The following DNAH1 variants were observed in gnomAD, a reference collection of about 807,000 sequenced individuals.
DNAH1 encodes the protein axonemal beta dynein heavy chain 1.
In DNAH1, 327 loss-of-function variants were observed where a neutral mutation model predicts 484.3. The observed-to-expected ratio is 0.68, with a 90% CI of 0.62 to 0.74. The LOEUF is 0.74. Among genes scored for constraint, DNAH1 ranks in the 30% least tolerant of loss-of-function variants. The pLI is 0.00. For synonymous variants in DNAH1, 2,192 were observed against 2,191.9 expected, an observed-to-expected ratio of 1.00 and a Z score of 0.00; for missense variants, 5,052 against 5,546.8, an observed-to-expected ratio of 0.91 and a Z score of 2.83.
chr3:52,362,633 C>A lies in DNAH1; in HGVS notation c.5094+132C>A. ...TGATTCCCTATGGTAGCCCCTTAGC[C>A]ATGGAGGGGAGGCCTCAGGGCCTCA... On this transcript the variant is annotated intron_variant, in intron 31 of 77. Coordinates refer to ENST00000420323, the MANE Select transcript of DNAH1 (RefSeq NM_015512.5). This position sits in a 1 kb window ranked among gnomAD's most constrained non-coding sequence, Gnocchi z 5.1. 1.1e-6 allele frequency: 1 copy of A among 872,530 alleles called. No individual in the cohort carries two copies. The highest frequency in any genetic ancestry group is 1.8e-6 in the Non-Finnish European group (1 of 565,376). The allele number at this position is 872,530 out of a possible 1,614,324, so 54.0% of individuals were successfully genotyped here.
rs749638579 is a variant in DNAH1 at position 52,372,339 on chromosome 3, C to T, written c.6779C>T (p.Thr2260Ile). The T allele has an allele frequency of 6.2e-7, 1 of 1,614,002 alleles. No homozygotes were observed. Among genetic ancestry groups the T allele is most frequent in the Admixed American group, 1.7e-5 (1 of 60,030 alleles). The change falls in exon 43 of 78, where the codon ACT (threonine) becomes ATT (isoleucine). Residue 2260 changes from threonine to isoleucine, a missense_variant. Transcript: ENST00000420323. Reference protein sequence around the residue: ...ISHFLTFSARTSANQTQDFID... With the variant: ...ISHFLTFSARISANQTQDFID... ...CACTTCCTCACCTTCTCAGCCCGCA[C>T]TTCAGCCAACCAGACCCAGGACTTC... is the stretch of plus-strand genomic sequence containing the variant.
chr3:52,398,178 T>C lies in DNAH1; in HGVS notation c.12089+16T>C. On this transcript the variant is annotated intron_variant, in intron 75 of 77. Coordinates refer to ENST00000420323, the MANE Select transcript of DNAH1 (RefSeq NM_015512.5). Reference sequence around the variant, plus strand: ...AGGTCATTAGGTAATCACCCCGCCATACCCCTGCCCCGAGTCAGCGGCCAC... The same window carrying C: ...AGGTCATTAGGTAATCACCCCGCCACACCCCTGCCCCGAGTCAGCGGCCAC... The C allele has an allele frequency of 6.3e-7, 1 of 1,598,552 alleles. No individual in the cohort carries two copies. The highest frequency in any genetic ancestry group is 2.2e-5 in the East Asian group (1 of 44,684).
chr3:52,382,584 C>A, intron 50 of DNAH1, 129 bp downstream of exon 50: 1 of 1,437,424 alleles, frequency 7.0e-7, no homozygotes, highest in Non-Finnish European at 9.3e-7. Context: ...GAAGAGACCA[C>A]CAGGACCAGG....
rs1234926853 is a variant in DNAH1, at chr3:52,371,981, A to G, written c.6561A>G (p.Pro2187=). ...AWVKWMDSSA[P]FTMVPDTNYC... ...TGAAGTGGATGGACTCCTCAGCTCC[A>G]TTCACCATGGTACCAGACACCAACT... The change falls in exon 42 of 78, where the codon CCA becomes CCG. Residue 2187 remains proline (P), a synonymous_variant. Coordinates refer to ENST00000420323, the MANE Select transcript of DNAH1 (RefSeq NM_015512.5). 31 of 1,613,668 alleles carry G rather than the reference A, an allele frequency of 1.9e-5. No homozygotes were observed. The highest frequency in any genetic ancestry group is 2.5e-5 in the Non-Finnish European group (29 of 1,179,864).
chr3:52,329,717 C>T (rs773073540), intron 6 of DNAH1, among the ~76,000 whole-genome samples: 1 of 151,692 alleles, frequency 6.6e-6, no homozygotes, highest in African/African-American at 2.4e-5. Context: ...CCCAGCTACT[C>T]GGGAGGCTGA....
At position 52,393,028 on chromosome 3, in the gene DNAH1, AG is replaced by A. The variant is rs767715865; in HGVS notation, c.10474+4del. The A allele has an allele frequency of 6.2e-7, 1 of 1,612,460 alleles. No individual in the cohort carries two copies. Among genetic ancestry groups the A allele is most frequent in the Admixed American group, 1.7e-5 (1 of 59,982 alleles). On this transcript the variant is annotated splice_donor_region_variant and intron_variant, in intron 65 of 77. Coordinates refer to ENST00000420323, the MANE Select transcript of DNAH1 (RefSeq NM_015512.5). ...CATCGCCAACTCAGAGAGAGCAGGT[AG>A]CACCGGCATGCCAGGCTCCTACCCT...
chr3:52,344,747 G>C, intron 9 of DNAH1, 100 bp downstream of exon 9: 1 of 1,305,824 alleles, frequency 7.7e-7, no homozygotes, highest in Non-Finnish European at 1.0e-6. Context: ...CATTGTGGGC[G>C]TCATCAGCCC....
At chr3:52,356,276 T>C (rs1351000877) in intron 21 of DNAH1, among the ~76,000 whole-genome samples, 2 of 152,198 alleles carry the variant, frequency 1.3e-5, no homozygotes, top group Admixed American at 1.3e-4. Context: ...GAGGCTGGTT[T>C]GTCTCCCAGG....
At chr3:52,365,840 C>T (rs751256542) in intron 34 of DNAH1, among the ~76,000 whole-genome samples, 3 of 152,222 alleles carry the variant, frequency 2.0e-5, no homozygotes, top group Non-Finnish European at 2.9e-5. Context: ...TCCTGCACCC[C>T]CGACCCTAGC....
In DNAH1 at chr3:52,328,476, G is replaced by A. The variant is rs1255072103; in HGVS notation, c.871+462G>A. Among the ~76,000 whole-genome samples, 4 of 152,070 alleles carry A rather than the reference G, an allele frequency of 2.6e-5. No individual in the cohort carries two copies. In the East Asian group the frequency reaches 7.7e-4, roughly 29 times the overall value. On this transcript the variant is annotated intron_variant, in intron 6 of 77. Transcript: ENST00000420323. ...ACACACATTGACAAGCACATTCACTGTCATACACACCCCCAACAACCTCTC... is the reference window on the plus strand; with the variant it reads ...ACACACATTGACAAGCACATTCACTATCATACACACCCCCAACAACCTCTC...
intron 8 of DNAH1, among the ~76,000 whole-genome samples, chr3:52,343,824 C>T (rs1559505635): frequency 6.6e-6 from 1 of 152,146 alleles, no homozygotes; most frequent in Non-Finnish European, 1.5e-5. Context: ...AGCCAGGTGC[C>T]GGAACACAGC....
At position 52,400,404 on chromosome 3, in the gene DNAH1, G is replaced by T; in HGVS notation, c.12756G>T (p.Trp4252Cys). 1 of 1,614,070 alleles carries T rather than the reference G, an allele frequency of 6.2e-7. No homozygotes were observed. Among genetic ancestry groups the T allele is most frequent in the Non-Finnish European group, 8.5e-7 (1 of 1,179,894 alleles). ...EIPTHQPQRH[W>C]IKRGVALICA... is the part of the protein sequence containing the mutation. ...CCACCCATCAGCCCCAGCGACACTGGATAAAGCGTGGTGTGGCCCTCATCT... is the reference window on the plus strand; with the variant it reads ...CCACCCATCAGCCCCAGCGACACTGTATAAAGCGTGGTGTGGCCCTCATCT... Residue 4252 changes from tryptophan (W) to cysteine (C), a missense_variant, in exon 78 of 78, where the codon TGG (tryptophan) becomes TGT (cysteine). Transcript: ENST00000420323.
intron 8 of DNAH1, 80 bp from the exon 9 acceptor site, chr3:52,344,410 C>A: frequency 6.5e-7 from 1 of 1,546,308 alleles, no homozygotes; most frequent in Non-Finnish European, 8.8e-7. Flanking sequence ...CAGGTCCATG[C>A]CAGAGCAGAG....
intron 21 of DNAH1, 61 bp from the exon 22 acceptor site, chr3:52,356,553 A>G: frequency 6.4e-7 from 1 of 1,572,024 alleles, no homozygotes; most frequent in Non-Finnish European, 8.7e-7. Flanking sequence ...TCATTGGGAC[A>G]AACCCCAGCT....
intron 14 of DNAH1, 131 bp from the exon 15 acceptor site, chr3:52,349,858 A>C: frequency 1.5e-6 from 2 of 1,334,238 alleles, no homozygotes; most frequent in Non-Finnish European, 2.0e-6. Context: ...CCTCTTGGAA[A>C]GCGCCGCAGG....
At chr3:52,324,753 C>T (rs528507286) in intron 3 of DNAH1, among the ~76,000 whole-genome samples, 1 of 152,300 alleles carries the variant, frequency 6.6e-6, no homozygotes, top group South Asian at 2.1e-4. Flanking sequence ...AACCGCAGAT[C>T]TCAGCACTGG....
intron 46 of DNAH1, among the ~76,000 whole-genome samples, chr3:52,376,543 C>T (rs554514712): frequency 3.3e-5 from 5 of 152,320 alleles, no homozygotes; most frequent in Admixed American, 6.5e-5. Flanking sequence ...GAACGGACTG[C>T]TGCTCCACAG....
chr3:52,322,678 A>G lies in DNAH1; in HGVS notation c.236A>G (p.Lys79Arg), dbSNP rs982625090. Residue 79 changes from lysine to arginine, a missense_variant, in exon 2 of 78, where the codon AAG becomes AGG. Around this residue, in one of 4 missense-constraint regions of DNAH1, gnomAD observed 1,263 missense variants for 1,218.8 expected, o/e 1.04. Coordinates refer to ENST00000420323, the MANE Select transcript of DNAH1 (RefSeq NM_015512.5). ...CTCTCAGACTTGGGGCAGCCACGGA[A>G]GTCACCCCTGACAGGCACTGATAAG... ...PTLSDLGQPR[K>R]SPLTGTDKKY... is the part of the protein sequence containing the mutation. 4 of 1,613,886 alleles carry G rather than the reference A, an allele frequency of 2.5e-6. No individual in the cohort carries two copies. Among genetic ancestry groups the G allele is most frequent in the East Asian group, 2.2e-5 (1 of 44,876 alleles).
In DNAH1 at chr3:52,380,196, G is replaced by A. The variant is rs1377251338; in HGVS notation, c.7608+61G>A. 3.5e-6 allele frequency: 5 copies of A among 1,446,684 alleles called. No homozygotes were observed. The East Asian group carries it at 1.2e-4, about 36-fold the overall frequency. 89.6% of individuals were successfully genotyped at this position (1,446,684 alleles called of 1,614,324 possible). A position where few individuals can be genotyped will look rare whatever the true frequency, so the allele number is the denominator to read the frequency against. On this transcript the variant is annotated intron_variant, in intron 48 of 77. Transcript: ENST00000420323. ...GGTCCTCTTCAATCTGCCTCCCTGG[G>A]GCCCAGGCCCCCTGCAGTCACCACT...
Sources: gnomAD v4.1 joint callset for allele counts (sites outside exome capture counted in the v4.1 genomes callset) on GRCh38, gnomAD v4.1.1 for gene constraint, gnomAD v4.1.1 regional missense constraint, Gnocchi (gnomAD v3.1) non-coding constraint, MANE v1.5 for transcripts, NCBI Gene and HGNC (gene_info 2026-07-23, HGNC 2026-07-21) for gene names.